Variants in DOCK3 observed in about 807,000 individuals in gnomAD.
DOCK3 encodes the protein dedicator of cytokinesis 3.
Under a neutral mutation model 265.6 loss-of-function variants are expected in DOCK3, and 60 were observed. That is an observed-to-expected ratio of 0.23 (90% CI 0.18 to 0.28). The LOEUF (loss-of-function observed/expected upper bound fraction) is 0.28, where lower values mean the gene tolerates loss of function less well. DOCK3 is among the 10% of genes least tolerant of loss of function. The pLI, the probability that DOCK3 is intolerant of heterozygous loss-of-function variation, is 1.00. For synonymous variants in DOCK3, 881 were observed against 938.0 expected, an observed-to-expected ratio of 0.94 and a Z score of 1.11; for missense variants, 1,981 against 2,594.3, an observed-to-expected ratio of 0.76 and a Z score of 5.14.
intron 5 of DOCK3, among the ~76,000 whole-genome samples, chr3:51,056,069 T>A (rs191964264): frequency 6.6e-6 from 1 of 152,324 alleles, no homozygotes; most frequent in East Asian, 1.9e-4. Context: ...TATCGCTTCT[T>A]TGCATTTTCA....
At chr3:50,753,363 G>A (rs910493551) in intron 1 of DOCK3, among the ~76,000 whole-genome samples, 3 of 151,400 alleles carry the variant, frequency 2.0e-5, no homozygotes, top group African/African-American at 7.3e-5. Flanking sequence ...TTTTTTTTGA[G>A]ACATGGTCTT....
At chr3:50,867,478 T>A (rs2675819) in intron 3 of DOCK3, among the ~76,000 whole-genome samples, 2 of 152,128 alleles carry the variant, frequency 1.3e-5, no homozygotes, top group African/African-American at 4.8e-5. Context: ...CTGAAAGTGG[T>A]CATCCTTGTA....
At position 50,829,129 on chromosome 3, in the gene DOCK3, G is replaced by A. The variant is rs531766382; in HGVS notation, c.122-12546G>A. Among the ~76,000 whole-genome samples the A allele has an allele frequency of 1.6e-4, 24 of 152,082 alleles. No individual in the cohort carries two copies. In the South Asian group the frequency reaches 2.3e-3, roughly 14 times the overall value. On this transcript the variant is annotated intron_variant, in intron 2 of 52. Coordinates refer to ENST00000266037, the MANE Select transcript of DOCK3 (RefSeq NM_004947.5). Reference sequence around the variant, plus strand: ...ATCTTTTAGTAGTATTTCTTTCAGCGCTGGTTTGCTGCGCATTGTTTCAGT... The same window carrying A: ...ATCTTTTAGTAGTATTTCTTTCAGCACTGGTTTGCTGCGCATTGTTTCAGT...
At chr3:51,211,759 A>G (rs1449813093) in intron 13 of DOCK3, among the ~76,000 whole-genome samples, 1 of 152,168 alleles carries the variant, frequency 6.6e-6, no homozygotes, top group African/African-American at 2.4e-5. Flanking sequence ...CCAATCTATC[A>G]TTGATGGACA....
chr3:51,260,119 A>G, intron 22 of DOCK3, 37 bp from the exon 23 acceptor site: 1 of 1,589,526 alleles, frequency 6.3e-7, no homozygotes, highest in Non-Finnish European at 8.6e-7. Context: ...GAGCATCTTC[A>G]ACATCTCTCC....
intron 5 of DOCK3, among the ~76,000 whole-genome samples, chr3:51,038,144 C>CT (rs1347713189): frequency 2.0e-5 from 3 of 152,082 alleles, no homozygotes; most frequent in Non-Finnish European, 4.4e-5. Flanking sequence ...TATCCAGATA[C>CT]TTTTTTACTG....
chr3:51,059,724 A>G (rs1274086080), intron 5 of DOCK3, among the ~76,000 whole-genome samples: 1 of 152,054 alleles, frequency 6.6e-6, no homozygotes, highest in African/African-American at 2.4e-5. Flanking sequence ...TAGTTCTCTT[A>G]TTACCAGATC....
intron 5 of DOCK3, among the ~76,000 whole-genome samples, chr3:50,944,712 A>G (rs2076382776): frequency 6.6e-6 from 1 of 152,066 alleles, no homozygotes; most frequent in Non-Finnish European, 1.5e-5. Context: ...TAATTCTAGC[A>G]CTTTGGGAGG....
intron 3 of DOCK3, among the ~76,000 whole-genome samples, chr3:50,884,810 G>GC (rs1200821968): frequency 1.3e-5 from 2 of 150,984 alleles, no homozygotes; most frequent in African/African-American, 2.4e-5. Context: ...TTTCCTCCCC[G>GC]CCCCCCACAG....
At chr3:51,314,694 T>TA (rs2083271783) in intron 31 of DOCK3, among the ~76,000 whole-genome samples, 1 of 152,244 alleles carries the variant, frequency 6.6e-6, no homozygotes, top group Non-Finnish European at 1.5e-5. Flanking sequence ...TAGCAAACTC[T>TA]GTTCCTTCAT....
intron 35 of DOCK3, among the ~76,000 whole-genome samples, chr3:51,338,107 T>G (rs2084985507): frequency 6.6e-6 from 1 of 152,218 alleles, no homozygotes; most frequent in South Asian, 2.1e-4. Flanking sequence ...AATACCCTGA[T>G]GTAGCTCTGG....
intron 1 of DOCK3, among the ~76,000 whole-genome samples, chr3:50,699,967 C>T (rs2035930945): frequency 1.3e-5 from 2 of 152,114 alleles, no homozygotes; most frequent in South Asian, 4.1e-4. Context: ...TTGATCATTT[C>T]TTTGTGCTGG....
chr3:50,807,159 A>G (rs1332048554), intron 2 of DOCK3, among the ~76,000 whole-genome samples: 2 of 151,732 alleles, frequency 1.3e-5, no homozygotes, highest in African/African-American at 2.4e-5. Context: ...CTTCAGTCAA[A>G]TCTTAGCTAT....
At chr3:51,347,803 CTT>C (rs1195760206) in intron 38 of DOCK3, among the ~76,000 whole-genome samples, 2 of 152,110 alleles carry the variant, frequency 1.3e-5, no homozygotes, top group Admixed American at 1.3e-4. Flanking sequence ...TTTGTGTCCT[CTT>C]TTATTTTGTT....
At chr3:51,058,130 C>T (rs1163158765) in intron 5 of DOCK3, among the ~76,000 whole-genome samples, 1 of 152,134 alleles carries the variant, frequency 6.6e-6, no homozygotes, top group East Asian at 1.9e-4. Flanking sequence ...TCACTCACAC[C>T]ATTGAAACTC....
At chr3:51,054,876 C>T (rs754689662) in intron 5 of DOCK3, among the ~76,000 whole-genome samples, 4 of 151,788 alleles carry the variant, frequency 2.6e-5, no homozygotes, top group Non-Finnish European at 5.9e-5. Flanking sequence ...ATTATTTTTT[C>T]TTTGAAATTT....
At position 51,060,182 on chromosome 3, in the gene DOCK3, C is replaced by CAT. The variant is rs1206617158; in HGVS notation, c.316-4262_316-4261dup. Among the ~76,000 whole-genome samples the CAT allele has an allele frequency of 5.9e-4, 17 of 28,890 alleles. No individual in the cohort carries two copies. In the East Asian group the frequency reaches 0.01, roughly 17 times the overall value. The allele number at this position is 28,890 out of a possible 152,430, so 19.0% of individuals were successfully genotyped here. On this transcript the variant is annotated intron_variant, in intron 5 of 52. Coordinates refer to ENST00000266037, the MANE Select transcript of DOCK3 (RefSeq NM_004947.5). ...ATAAAATAAAATAAGACATCTATTG[C>CAT]ATATAAAAAAAAAGAAACTGTTCCT...
intron 12 of DOCK3, among the ~76,000 whole-genome samples, chr3:51,195,438 A>C (rs757099685): frequency 2.4e-4 from 37 of 151,998 alleles, no homozygotes; most frequent in Non-Finnish European, 4.9e-4. Context: ...TTTTTGAGAC[A>C]GAGTCTTGCT....
At chr3:51,166,606 C>G (rs2086419909) in intron 12 of DOCK3, among the ~76,000 whole-genome samples, 1 of 152,216 alleles carries the variant, frequency 6.6e-6, no homozygotes, top group Non-Finnish European at 1.5e-5. Context: ...CCCTTGTCTT[C>G]ACACTCTTGT....
Sources: allele counts gnomAD v4.1 joint callset (sites outside exome capture counted in the v4.1 genomes callset), GRCh38; gene constraint gnomAD v4.1.1; transcripts MANE v1.5; gene names NCBI Gene and HGNC (gene_info 2026-07-23, HGNC 2026-07-21).